The following TRAF7 variants were observed in gnomAD, a reference collection of about 807,000 sequenced individuals.
TRAF7 encodes TNF receptor associated factor 7.
TRAF7 carries 45 observed loss-of-function variants against 89.3 expected under a neutral mutation model. That is an observed-to-expected ratio of 0.50 (90% CI 0.40 to 0.65). TRAF7 has a LOEUF of 0.65. Among genes scored for constraint, TRAF7 ranks in the 30% least tolerant of loss-of-function variants. The pLI, the probability that TRAF7 is intolerant of heterozygous loss-of-function variation, is 0.00. For synonymous variants in TRAF7, 406 were observed against 369.2 expected (o/e 1.10, Z -1.14); for missense variants, 677 against 918.1 (o/e 0.74, Z 3.39).
At position 2,172,465 on chromosome 16, in the gene TRAF7, G is replaced by A. The variant is rs1454740625; in HGVS notation, c.660G>A (p.Lys220=). 1 of 1,610,394 alleles carries A rather than the reference G, an allele frequency of 6.2e-7. No individual in the cohort carries two copies. The highest frequency in any genetic ancestry group is 1.1e-5 in the South Asian group (1 of 90,504). The stretch of plus-strand genomic sequence containing the variant: ...CTCCCCGCATCCCGCCCTGGCACAG[G>A]GACCACGAGGGCAGCTGTGACTACA... ...CPFTIKLSAR[K]DHEGSCDYRP... is the part of the protein sequence containing the mutation. Residue 220 remains lysine, a splice_region_variant and synonymous_variant, in exon 9 of 21, where the codon AAG becomes AAA. Coordinates refer to ENST00000326181, the MANE Select transcript of TRAF7 (RefSeq NM_032271.3).
intron 14 of TRAF7, 110 bp from the exon 15 acceptor site, chr16:2,175,001 G>A (rs1427008343): frequency 7.4e-7 from 1 of 1,357,596 alleles, no homozygotes; most frequent in Non-Finnish European, 1.1e-6. Context: ...CCTTGGCCCT[G>A]GGCCATGCTG....
At chr16:2,167,712 G>A (rs1458697433) in intron 3 of TRAF7, among the ~76,000 whole-genome samples, 1 of 152,226 alleles carries the variant, frequency 6.6e-6, no homozygotes, top group Non-Finnish European at 1.5e-5. Flanking sequence ...GCGGCCTTCA[G>A]AGTGATGGCT....
intron 20 of TRAF7, 59 bp downstream of exon 20, chr16:2,176,443 G>A: frequency 8.7e-6 from 14 of 1,612,416 alleles, no homozygotes; most frequent in Non-Finnish European, 1.2e-5. Context: ...CGGGGGTGGG[G>A]ACGAGGAGCT....
chr16:2,176,415 G>T, intron 20 of TRAF7, 31 bp downstream of exon 20: 2 of 1,611,524 alleles, frequency 1.2e-6, no homozygotes, highest in South Asian at 2.2e-5. Context: ...CCATTCAAAG[G>T]GGCTGCACAG....
intron 9 of TRAF7, 142 bp downstream of exon 9, chr16:2,172,741 A>G (rs2093118201): frequency 2.6e-6 from 3 of 1,135,536 alleles, no homozygotes; most frequent in Non-Finnish European, 3.7e-6. Flanking sequence ...CTGAGGCCCA[A>G]GGCCCTGGAA....
Position 2,158,423 on chromosome 16 carries a change from G to C in TRAF7, c.-39+2565G>C, listed in dbSNP as rs1339711418. ...AGACCCGGACACCCTCACCCGGCTG[G>C]AGGAAGCCGGCTGCCTGGAAACTCG... On this transcript the variant is annotated intron_variant, in intron 1 of 20. Transcript: ENST00000326181. This position sits in a 1 kb window ranked among gnomAD's most constrained non-coding sequence, Gnocchi z 4.7. Among the ~76,000 whole-genome samples, 3 of 152,190 alleles carry C rather than the reference G, an allele frequency of 2.0e-5. No individual in the cohort carries two copies. Among genetic ancestry groups the C allele is most frequent in the African/African-American group, 4.8e-5 (2 of 41,452 alleles).
intron 2 of TRAF7, among the ~76,000 whole-genome samples, chr16:2,165,259 G>T (rs560572308): frequency 7.1e-6 from 1 of 140,184 alleles, no homozygotes; most frequent in East Asian, 2.2e-4. Flanking sequence ...CGGCCTGGTC[G>T]CATGGTTAAG....
chr16:2,163,914 C>G lies in TRAF7; in HGVS notation c.-7C>G. 2 of 1,611,874 alleles carry G rather than the reference C, an allele frequency of 1.2e-6. No homozygotes were observed. Among genetic ancestry groups the G allele is most frequent in the Non-Finnish European group, 1.7e-6 (2 of 1,179,398 alleles). ...CTTCCCAAGGACCGTAGATGCCTCT[C>G]TAGAGCATGAGCTCAGGCAAGAGTG... On this transcript the variant is annotated 5_prime_UTR_variant, in exon 2 of 21. Coordinates refer to ENST00000326181, the MANE Select transcript of TRAF7 (RefSeq NM_032271.3). The surrounding 1 kb of genome is among the most constrained non-coding windows in gnomAD (Gnocchi z 4.3).
chr16:2,176,482 C>G (rs1402052533), intron 20 of TRAF7, 78 bp from the exon 21 acceptor site: 26 of 1,612,936 alleles, frequency 1.6e-5, no homozygotes, highest in Middle Eastern at 1.7e-4. Context: ...TGGTGGAGGG[C>G]AGGTACGTGT....
intron 1 of TRAF7, among the ~76,000 whole-genome samples, chr16:2,157,535 G>T (rs2093040025): frequency 1.3e-5 from 2 of 152,214 alleles, no homozygotes; most frequent in African/African-American, 2.4e-5. Context: ...CCCCCACAAG[G>T]CTCCTAGCTC....
chr16:2,172,620 GGT>G, intron 9 of TRAF7, 21 bp downstream of exon 9: 3 of 1,316,436 alleles, frequency 2.3e-6, no homozygotes, highest in Non-Finnish European at 3.2e-6. Context: ...GGCGGGCGGG[GGT>G]GGGCCGGGGT....
chr16:2,164,178 G>A (rs1258034398), intron 2 of TRAF7, among the ~76,000 whole-genome samples, 177 bp downstream of exon 2: 4 of 131,212 alleles, frequency 3.0e-5, no homozygotes, highest in Middle Eastern at 3.6e-3. Flanking sequence ...GCGCGCGCGC[G>A]CGCACGCGTG....
At chr16:2,173,859 T>TTGGGGGCCCC in intron 12 of TRAF7, 23 bp downstream of exon 12, 1 of 1,246,256 alleles carries the variant, frequency 8.0e-7, no homozygotes, top group Non-Finnish European at 1.1e-6. Flanking sequence ...CCGCCGTGGC[T>TTGGGGGCCCC]CCCGCCCACC....
rs1177742105 is a variant in TRAF7, at chr16:2,159,884, A to C, written c.-38-3999A>C. Among the ~76,000 whole-genome samples, 1 of 152,176 alleles carries C rather than the reference A, an allele frequency of 6.6e-6. No individual in the cohort carries two copies. Among genetic ancestry groups the C allele is most frequent in the African/African-American group, 2.4e-5 (1 of 41,442 alleles). ...GAAGCCCCCATCTCCCCCACTCAGCAGGGCCCCCCAGGCTGCTGCCAAGTG... is the reference window on the plus strand; with the variant it reads ...GAAGCCCCCATCTCCCCCACTCAGCCGGGCCCCCCAGGCTGCTGCCAAGTG... On this transcript the variant is annotated intron_variant, in intron 1 of 20. Coordinates refer to ENST00000326181, the MANE Select transcript of TRAF7 (RefSeq NM_032271.3). This position sits in a 1 kb window ranked among gnomAD's most constrained non-coding sequence, Gnocchi z 6.5.
chr16:2,171,617 C>A lies in TRAF7; in HGVS notation c.475+12C>A, dbSNP rs1392702191. 1 of 1,613,200 alleles carries A rather than the reference C, an allele frequency of 6.2e-7. No homozygotes were observed. The highest frequency in any genetic ancestry group is 1.7e-5 in the Admixed American group (1 of 60,026). ...CGCCTTGAAGTCAGGTAGGTTTGTG[C>A]CCCGGCCCAGGCCTGACGCCGACCG... is the stretch of plus-strand genomic sequence containing the variant. On this transcript the variant is annotated intron_variant, in intron 7 of 20. Transcript: ENST00000326181.
Position 2,164,100 on chromosome 16 carries a change from C to T in TRAF7, c.81+99C>T, listed in dbSNP as rs369268735. The T allele has an allele frequency of 7.3e-5, 84 of 1,150,438 alleles. 1 individual carries two copies. The highest frequency in any genetic ancestry group is 6.6e-4 in the East Asian group (25 of 37,792). 71.3% of individuals were successfully genotyped at this position (1,150,438 alleles called of 1,614,324 possible). A position where few individuals can be genotyped will look rare whatever the true frequency, so the allele number is the denominator to read the frequency against. On this transcript the variant is annotated intron_variant, in intron 2 of 20. Coordinates refer to ENST00000326181, the MANE Select transcript of TRAF7 (RefSeq NM_032271.3). ...CAGAGCTCCCAGCGCAGTCCCGTCC[C>T]GAGCTGGGGTCTCAGGGGAGCTCGG... is the stretch of plus-strand genomic sequence containing the variant.
At position 2,158,418 on chromosome 16, in the gene TRAF7, G is replaced by A. The variant is rs560828784; in HGVS notation, c.-39+2560G>A. Among the ~76,000 whole-genome samples, 71 of 152,306 alleles carry A rather than the reference G, an allele frequency of 4.7e-4. 1 individual carries two copies. Among genetic ancestry groups the A allele is most frequent in the Admixed American group, 1.4e-3 (22 of 15,308 alleles). On this transcript the variant is annotated intron_variant, in intron 1 of 20. Transcript: ENST00000326181. The surrounding 1 kb of genome is among the most constrained non-coding windows in gnomAD (Gnocchi z 4.7). Reference sequence around the variant, plus strand: ...CGTGTAGACCCGGACACCCTCACCCGGCTGGAGGAAGCCGGCTGCCTGGAA... The same window carrying A: ...CGTGTAGACCCGGACACCCTCACCCAGCTGGAGGAAGCCGGCTGCCTGGAA...
In TRAF7 at chr16:2,161,197, C is replaced by G. The variant is rs1339370638; in HGVS notation, c.-38-2686C>G. 2.1e-5 allele frequency among the ~76,000 whole-genome samples: 3 copies of G among 142,828 alleles called. No individual in the cohort carries two copies. The highest frequency in any genetic ancestry group is 7.8e-5 in the African/African-American group (3 of 38,500). The allele number at this position is 142,828 out of a possible 152,430, so 93.7% of individuals were successfully genotyped here. A position where few individuals can be genotyped will look rare whatever the true frequency, so the allele number is the denominator to read the frequency against. On this transcript the variant is annotated intron_variant, in intron 1 of 20. Transcript: ENST00000326181. This position sits in a 1 kb window ranked among gnomAD's most constrained non-coding sequence, Gnocchi z 5.2. The stretch of plus-strand genomic sequence containing the variant: ...TCCTTCCCTCCCTCCTTCCGTCCCC[C>G]TCCCTCCCTCCGTCCCCCTGCTTCC...
chr16:2,177,831 G>A lies in TRAF7; in HGVS notation c.*1257G>A, dbSNP rs551665155. On this transcript the variant is annotated 3_prime_UTR_variant, in exon 21 of 21. Coordinates refer to ENST00000326181, the MANE Select transcript of TRAF7 (RefSeq NM_032271.3). ...AGTTCTTGGGGCGCAGAGAACTTAG[G>A]AGAGAAGCACGGAGGAGCCCCCGGC... The A allele has an allele frequency of 3.5e-4, 91 of 262,678 alleles. 1 individual carries two copies. Among genetic ancestry groups the A allele is most frequent in the Non-Finnish European group, 5.6e-4 (75 of 134,706 alleles). 16.3% of individuals were successfully genotyped at this position (262,678 alleles called of 1,614,324 possible).
Sources: allele counts gnomAD v4.1 joint callset (sites outside exome capture counted in the v4.1 genomes callset), GRCh38; gene constraint gnomAD v4.1.1; non-coding constraint Gnocchi (gnomAD v3.1); transcripts MANE v1.5; gene names NCBI Gene and HGNC (gene_info 2026-07-23, HGNC 2026-07-21).